Variants in EXOC4 observed in about 807,000 individuals in gnomAD.
The protein encoded by EXOC4 is exocyst complex component 4.
A neutral mutation model predicts 107.2 loss-of-function variants in EXOC4; 71 were observed. That is an observed-to-expected ratio of 0.66 (90% CI 0.55 to 0.81). The LOEUF (loss-of-function observed/expected upper bound fraction) is 0.81. EXOC4 is among the 30% of genes least tolerant of loss of function. The pLI, the probability that EXOC4 is intolerant of heterozygous loss-of-function variation, is 0.00. For missense variants in EXOC4, 1,108 were observed against 1,189.6 expected, an observed-to-expected ratio of 0.93 and a Z score of 1.01; for synonymous variants, 456 against 441.2, an observed-to-expected ratio of 1.03 and a Z score of -0.42.
intron 9 of EXOC4, among the ~76,000 whole-genome samples, chr7:133,563,497 A>C (rs1335932780): frequency 6.6e-6 from 1 of 152,134 alleles, no homozygotes; most frequent in Non-Finnish European, 1.5e-5. Context: ...TTGTGTCGAA[A>C]AAGTAAGATG....
the EXOC4 span, among the ~76,000 whole-genome samples, chr7:134,084,709 T>TAAAAAAAAAAAAAA: frequency 1.6e-3 from 132 of 83,134 alleles, no homozygotes; most frequent in African/African-American, 6.4e-3. Flanking sequence ...GGTGCAGCCG[T>TAAAAAAAAAAAAAA]AAAAAAAAAA....
intron 17 of EXOC4, among the ~76,000 whole-genome samples, chr7:134,060,051 C>G (rs1023668712): frequency 4.6e-5 from 7 of 152,150 alleles, no homozygotes; most frequent in African/African-American, 1.7e-4. Context: ...AGAGAACAGT[C>G]TGTTGATAAA....
At chr7:133,705,820 T>C (rs1211673433) in intron 10 of EXOC4, among the ~76,000 whole-genome samples, 2 of 152,228 alleles carry the variant, frequency 1.3e-5, no homozygotes, top group Non-Finnish European at 2.9e-5. Flanking sequence ...GCATGAGATG[T>C]CATCACACTA....
At chr7:133,839,858 A>G (rs1324231127) in intron 11 of EXOC4, among the ~76,000 whole-genome samples, 2 of 152,342 alleles carry the variant, frequency 1.3e-5, no homozygotes, top group East Asian at 3.9e-4. Context: ...TATCATGTGT[A>G]TATATTCAAT....
At chr7:133,781,786 C>G (rs1796473569) in intron 10 of EXOC4, among the ~76,000 whole-genome samples, 1 of 152,206 alleles carries the variant, frequency 6.6e-6, no homozygotes, top group Non-Finnish European at 1.5e-5. Context: ...ACCCTCAACT[C>G]CCAATTGTGT....
chr7:134,086,609 A>G, the EXOC4 span, among the ~76,000 whole-genome samples: 1 of 152,180 alleles, frequency 6.6e-6, no homozygotes, highest in Non-Finnish European at 1.5e-5. Flanking sequence ...CTCTCAAGGC[A>G]GTGGTTCTGG....
At chr7:133,649,724 G>A (rs1350608068) in intron 10 of EXOC4, among the ~76,000 whole-genome samples, 2 of 152,128 alleles carry the variant, frequency 1.3e-5, no homozygotes, top group African/African-American at 4.8e-5. Context: ...AAGCGCTGGT[G>A]TAGTTCCAAC....
intron 10 of EXOC4, among the ~76,000 whole-genome samples, chr7:133,722,153 T>C (rs1466800639): frequency 6.6e-6 from 1 of 152,256 alleles, no homozygotes; most frequent in Non-Finnish European, 1.5e-5. Context: ...TTATGATTTC[T>C]TGCTAAATAG....
chr7:133,358,422 G>A (rs554494399), intron 6 of EXOC4, among the ~76,000 whole-genome samples: 13 of 152,260 alleles, frequency 8.5e-5, no homozygotes, highest in South Asian at 6.2e-4. Context: ...TATAAAATGC[G>A]TGTGTATATG....
chr7:133,905,532 C>CA (rs1799546456), intron 12 of EXOC4, among the ~76,000 whole-genome samples: 1 of 152,178 alleles, frequency 6.6e-6, no homozygotes, highest in South Asian at 2.1e-4. Flanking sequence ...TCCTGAGATC[C>CA]ATCCAGCAGC....
chr7:133,615,748 G>A (rs796585632), intron 9 of EXOC4, among the ~76,000 whole-genome samples: 25 of 152,188 alleles, frequency 1.6e-4, no homozygotes, highest in African/African-American at 6.0e-4. Flanking sequence ...CTTTTCGTTG[G>A]TAACCTCTAC....
intron 9 of EXOC4, among the ~76,000 whole-genome samples, chr7:133,619,335 A>C (rs985294625): frequency 6.6e-6 from 1 of 152,194 alleles, no homozygotes; most frequent in African/African-American, 2.4e-5. Flanking sequence ...ATTTGGGAGT[A>C]CTTAGATTTA....
chr7:133,325,963 G>A (rs537916209), intron 5 of EXOC4, among the ~76,000 whole-genome samples: 7 of 152,040 alleles, frequency 4.6e-5, no homozygotes, highest in Non-Finnish European at 8.8e-5. Flanking sequence ...TCATTCATTT[G>A]ATCTTCATTC....
At chr7:133,538,412 A>G (rs1293950444) in intron 9 of EXOC4, among the ~76,000 whole-genome samples, 3 of 152,152 alleles carry the variant, frequency 2.0e-5, no homozygotes, top group African/African-American at 4.8e-5. Flanking sequence ...TTTTACTCTT[A>G]GACCTTTTCC....
At chr7:133,523,572 C>G (rs1163956622) in intron 9 of EXOC4, among the ~76,000 whole-genome samples, 1 of 152,008 alleles carries the variant, frequency 6.6e-6, no homozygotes, top group Non-Finnish European at 1.5e-5. Flanking sequence ...AGGTATATCT[C>G]CCAATGCTAT....
At chr7:133,985,944 T>C (rs974564874) in intron 14 of EXOC4, among the ~76,000 whole-genome samples, 2 of 152,150 alleles carry the variant, frequency 1.3e-5, no homozygotes, top group African/African-American at 4.8e-5. Flanking sequence ...TCATCTCTCT[T>C]CTTCTTCTGT....
chr7:133,376,988 A>G (rs544361990), intron 7 of EXOC4, among the ~76,000 whole-genome samples: 19 of 152,372 alleles, frequency 1.2e-4, no homozygotes, highest in African/African-American at 4.3e-4. Context: ...TAGAATTATT[A>G]TGCTTGTTAA....
chr7:133,630,390 C>G (rs1802563176), intron 10 of EXOC4, among the ~76,000 whole-genome samples: 1 of 152,094 alleles, frequency 6.6e-6, no homozygotes, highest in African/African-American at 2.4e-5. Context: ...CTCTGTCCCT[C>G]TCCTGCCCTC....
intron 10 of EXOC4, among the ~76,000 whole-genome samples, chr7:133,677,164 G>A (rs1362074676): frequency 6.6e-6 from 1 of 151,998 alleles, no homozygotes; most frequent in Non-Finnish European, 1.5e-5. Flanking sequence ...TGTCTCCCTT[G>A]TCTCTAATGT....
Sources: gnomAD v4.1 joint callset for allele counts (sites outside exome capture counted in the v4.1 genomes callset) on GRCh38, gnomAD v4.1.1 for gene constraint, MANE v1.5 for transcripts, NCBI Gene and HGNC (gene_info 2026-07-23, HGNC 2026-07-21) for gene names.